Variants in CA10 observed in about 807,000 individuals in gnomAD.
CA10 encodes the protein carbonic anhydrase 10 (inactive).
CA10 carries 14 observed loss-of-function variants against 44.2 expected under a neutral mutation model. That is an observed-to-expected ratio of 0.32 (90% CI 0.21 to 0.50). The LOEUF is 0.50. CA10 is among the 20% of genes least tolerant of loss of function. CA10 has a pLI of 0.99. For missense variants in CA10, 350 were observed against 409.7 expected (o/e 0.85, Z 1.26); for synonymous variants, 159 against 141.6 (o/e 1.12, Z -0.87).
intron 2 of CA10, among the ~76,000 whole-genome samples, chr17:51,983,234 C>A (rs1984713108): frequency 6.6e-6 from 1 of 151,830 alleles, no homozygotes; most frequent in Admixed American, 6.6e-5. Flanking sequence ...TTCACATCAG[C>A]AAACCTGAAC....
chr17:51,831,854 C>T (rs1157822992), intron 3 of CA10, among the ~76,000 whole-genome samples: 1 of 152,028 alleles, frequency 6.6e-6, no homozygotes, highest in Non-Finnish European at 1.5e-5. Context: ...ACCAACCATG[C>T]TTTATTACAG....
chr17:51,901,411 G>A (rs895597710), intron 3 of CA10, among the ~76,000 whole-genome samples: 21 of 152,218 alleles, frequency 1.4e-4, no homozygotes, highest in Non-Finnish European at 2.5e-4. Flanking sequence ...GTATTCCCTA[G>A]CCACAATACT....
intron 4 of CA10, among the ~76,000 whole-genome samples, chr17:51,715,449 G>A (rs963396990): frequency 6.6e-6 from 1 of 151,866 alleles, no homozygotes; most frequent in Non-Finnish European, 1.5e-5. Flanking sequence ...ATTTTTGTGG[G>A]TACATAATGC....
At position 51,914,617 on chromosome 17, in the gene CA10, C is replaced by T. The variant is rs189509624; in HGVS notation, c.279+16373G>A. ...GCTGAAATATGGTGGTATCAGAGCACCCACCATCCCTCATGCTCTCAAAAC... is the reference window on the plus strand; with the variant it reads ...GCTGAAATATGGTGGTATCAGAGCATCCACCATCCCTCATGCTCTCAAAAC... On this transcript the variant is annotated intron_variant, in intron 3 of 8. Coordinates refer to ENST00000451037, the MANE Select transcript of CA10 (RefSeq NM_020178.5). Among the ~76,000 whole-genome samples, 297 of 152,242 alleles carry T rather than the reference C, an allele frequency of 2.0e-3. 1 individual carries two copies. Among genetic ancestry groups the T allele is most frequent in the African/African-American group, 6.7e-3 (279 of 41,552 alleles).
chr17:52,108,192 TTTTATATATATATA>T (rs201241992), intron 1 of CA10, among the ~76,000 whole-genome samples: 29,263 of 113,006 alleles, frequency 0.26, 3,622 homozygotes, highest in East Asian at 0.45. Context: ...TATATATATT[TTTTATATATATATA>T]TATATATATA....
chr17:52,136,405 C>T (rs760136600), intron 1 of CA10, among the ~76,000 whole-genome samples: 1 of 152,202 alleles, frequency 6.6e-6, no homozygotes, highest in Admixed American at 6.5e-5. Flanking sequence ...GAGCAAGTTA[C>T]ACCATCTGTC....
chr17:51,754,980 T>C (rs745973099), intron 3 of CA10, among the ~76,000 whole-genome samples: 7 of 151,952 alleles, frequency 4.6e-5, no homozygotes, highest in Non-Finnish European at 1.0e-4. Context: ...TATACACATA[T>C]GTATATTATA....
In CA10 at chr17:51,832,719, G is replaced by A. The variant is rs565875860; in HGVS notation, c.280-84901C>T. Among the ~76,000 whole-genome samples the A allele has an allele frequency of 6.7e-4, 102 of 152,288 alleles. No individual in the cohort carries two copies. In the Middle Eastern group the frequency reaches 0.01, roughly 15 times the overall value. The stretch of plus-strand genomic sequence containing the variant: ...ATTTTCTTTAAGTATCAGCAGCACT[G>A]GCTTGTGAAGCAGCAATTTCACATA... On this transcript the variant is annotated intron_variant, in intron 3 of 8. Coordinates refer to ENST00000451037, the MANE Select transcript of CA10 (RefSeq NM_020178.5).
intron 4 of CA10, among the ~76,000 whole-genome samples, chr17:51,737,614 T>C (rs994852697): frequency 3.5e-4 from 53 of 152,188 alleles, no homozygotes; most frequent in Non-Finnish European, 1.0e-4. Context: ...TACTGAATTC[T>C]GCCTTTTCCA....
Position 51,631,557 on chromosome 17 carries a change from A to T in CA10, c.*27T>A. The stretch of plus-strand genomic sequence containing the variant: ...AATTCACAGTTGTAGCATTTCACTG[A>T]GGTGGGATTCTTCTTGGCTTTGTTC... On this transcript the variant is annotated 3_prime_UTR_variant, in exon 9 of 9. Coordinates refer to ENST00000451037, the MANE Select transcript of CA10 (RefSeq NM_020178.5). 6.2e-7 allele frequency: 1 copy of T among 1,602,548 alleles called. No individual in the cohort carries two copies. Among genetic ancestry groups the T allele is most frequent in the Middle Eastern group, 1.7e-4 (1 of 6,028 alleles).
chr17:52,014,945 C>T lies in CA10; in HGVS notation c.136+57374G>A, dbSNP rs142585572. On this transcript the variant is annotated intron_variant, in intron 2 of 8. Coordinates refer to ENST00000451037, the MANE Select transcript of CA10 (RefSeq NM_020178.5). ...GATGAATAATTGTGGTACATTTATA[C>T]AATATAATCCTTAAGATCAAATAAA... Among the ~76,000 whole-genome samples, 1,016 of 152,052 alleles carry T rather than the reference C, an allele frequency of 6.7e-3. 9 individuals carry two copies. The highest frequency in any genetic ancestry group is 0.023 in the African/African-American group (967 of 41,512).
chr17:51,836,538 C>G (rs1477424732), intron 3 of CA10, among the ~76,000 whole-genome samples: 1 of 152,182 alleles, frequency 6.6e-6, no homozygotes. Flanking sequence ...ACTTGGGTAA[C>G]CCAGGTCTTT....
At chr17:51,935,266 T>C (rs995370598) in intron 2 of CA10, among the ~76,000 whole-genome samples, 1 of 152,174 alleles carries the variant, frequency 6.6e-6, no homozygotes, top group African/African-American at 2.4e-5. Context: ...TTAGTTTCCA[T>C]GGCTATCCTC....
At chr17:52,136,553 G>T (rs913049643) in intron 1 of CA10, among the ~76,000 whole-genome samples, 2 of 152,184 alleles carry the variant, frequency 1.3e-5, no homozygotes, top group Non-Finnish European at 2.9e-5. Flanking sequence ...TACTCAAGCT[G>T]GGAGTGAGGG....
At chr17:52,095,693 G>A (rs571660597) in intron 1 of CA10, among the ~76,000 whole-genome samples, 1 of 152,098 alleles carries the variant, frequency 6.6e-6, no homozygotes, top group Non-Finnish European at 1.5e-5. Context: ...ACCTGTGTCA[G>A]GAAGCACACA....
At chr17:51,759,885 C>T (rs1263082709) in intron 3 of CA10, among the ~76,000 whole-genome samples, 2 of 152,154 alleles carry the variant, frequency 1.3e-5, no homozygotes, top group Non-Finnish European at 2.9e-5. Flanking sequence ...AAAGCTCTTT[C>T]TAAATATATG....
chr17:52,067,581 C>A (rs911672216), intron 2 of CA10, among the ~76,000 whole-genome samples: 1 of 152,202 alleles, frequency 6.6e-6, no homozygotes, highest in African/African-American at 2.4e-5. Flanking sequence ...ATCCTCCTGA[C>A]CCCAGAATGG....
chr17:51,679,813 A>G (rs955285383), intron 4 of CA10, among the ~76,000 whole-genome samples: 3 of 152,182 alleles, frequency 2.0e-5, no homozygotes, highest in African/African-American at 4.8e-5. Flanking sequence ...CCTGCAGGCC[A>G]TATCCTATTT....
intron 2 of CA10, among the ~76,000 whole-genome samples, chr17:52,063,573 G>A (rs1453952084): frequency 1.3e-5 from 2 of 152,056 alleles, no homozygotes; most frequent in East Asian, 1.9e-4. Flanking sequence ...TTGCTCTATT[G>A]GTTCCTGTAA....
Sources: allele counts gnomAD v4.1 joint callset (sites outside exome capture counted in the v4.1 genomes callset), GRCh38; gene constraint gnomAD v4.1.1; transcripts MANE v1.5; gene names NCBI Gene and HGNC (gene_info 2026-07-23, HGNC 2026-07-21).